The following ERGIC1 variants were observed in gnomAD, a reference collection of about 807,000 sequenced individuals.
ERGIC1 encodes the protein endoplasmic reticulum-golgi intermediate compartment 1, also known as endoplasmic reticulum-Golgi intermediate compartment protein 1.
A neutral mutation model predicts 38.3 loss-of-function variants in ERGIC1; 19 were observed. The observed-to-expected ratio is 0.50, with a 90% CI of 0.35 to 0.73. ERGIC1 has a LOEUF of 0.73. ERGIC1 is among the 30% of genes least tolerant of loss of function. The pLI is 0.01. For missense variants in ERGIC1, 294 were observed against 389.2 expected, an observed-to-expected ratio of 0.76 and a Z score of 2.06; for synonymous variants, 124 against 157.6, an observed-to-expected ratio of 0.79 and a Z score of 1.60.
At position 172,837,106 on chromosome 5, in the gene ERGIC1, G is replaced by A. The variant is rs1201467243; in HGVS notation, c.20+2673G>A. 6.6e-6 allele frequency among the ~76,000 whole-genome samples: 1 copy of A among 152,260 alleles called. No homozygotes were observed. The highest frequency in any genetic ancestry group is 2.4e-5 in the African/African-American group (1 of 41,540). ...GATTAGACCTCCTCCCCCAGTTCAA[G>A]GCCAGGGAGAAAACCAGCCGTCCTG... On this transcript the variant is annotated intron_variant, in intron 1 of 9. Transcript: ENST00000393784. The surrounding 1 kb of genome is among the most constrained non-coding windows in gnomAD (Gnocchi z 4.3).
chr5:172,941,262 A>T (rs1764006845), intron 9 of ERGIC1, among the ~76,000 whole-genome samples: 1 of 152,182 alleles, frequency 6.6e-6, no homozygotes, highest in African/African-American at 2.4e-5. Flanking sequence ...AGAAAAAAAA[A>T]AAGGTGATCA....
chr5:172,938,475 G>A (rs753126034), intron 9 of ERGIC1, among the ~76,000 whole-genome samples: 9 of 152,204 alleles, frequency 5.9e-5, no homozygotes, highest in African/African-American at 1.2e-4. Flanking sequence ...GGCAATGGCC[G>A]GGCACGGTGG....
rs776742949 is a variant in ERGIC1, at chr5:172,845,620, A to G, written c.20+11187A>G. Among the ~76,000 whole-genome samples the G allele has an allele frequency of 2.0e-5, 3 of 152,328 alleles. No homozygotes were observed. In the South Asian group the frequency reaches 6.2e-4, roughly 32 times the overall value. ...CTCATGATTTAAAATTCATGTTTTAATTCTGGTATTTTGCTTCTCTCTCTC... is the reference window on the plus strand; with the variant it reads ...CTCATGATTTAAAATTCATGTTTTAGTTCTGGTATTTTGCTTCTCTCTCTC... On this transcript the variant is annotated intron_variant, in intron 1 of 9. Coordinates refer to ENST00000393784, the MANE Select transcript of ERGIC1 (RefSeq NM_001031711.3).
At chr5:172,904,095 T>C (rs1005266593) in intron 3 of ERGIC1, among the ~76,000 whole-genome samples, 4 of 152,212 alleles carry the variant, frequency 2.6e-5, no homozygotes, top group African/African-American at 9.6e-5. Flanking sequence ...ACGGAATCTT[T>C]ATCCTTATTT....
intron 3 of ERGIC1, among the ~76,000 whole-genome samples, chr5:172,905,703 G>C (rs1006413055): frequency 1.3e-5 from 2 of 151,718 alleles, no homozygotes; most frequent in African/African-American, 2.4e-5. Flanking sequence ...TGACGACTGC[G>C]ATCAGCACCA....
intron 5 of ERGIC1, among the ~76,000 whole-genome samples, chr5:172,921,347 C>T (rs937885667): frequency 2.0e-5 from 3 of 152,242 alleles, no homozygotes; most frequent in Admixed American, 6.5e-5. Flanking sequence ...TGTTTCTGCT[C>T]CACTCCTGAC....
At chr5:172,863,444 G>A (rs1002757095) in intron 1 of ERGIC1, among the ~76,000 whole-genome samples, 3 of 152,116 alleles carry the variant, frequency 2.0e-5, no homozygotes, top group Non-Finnish European at 2.9e-5. Flanking sequence ...ACACCACTGC[G>A]CAGCCTCCCA....
intron 9 of ERGIC1, chr5:172,936,737 C>T (rs1287815565): frequency 1.3e-5 from 2 of 152,396 alleles, no homozygotes; most frequent in African/African-American, 4.8e-5. Flanking sequence ...GTGGCTCACA[C>T]TTGTAGTCCC....
At chr5:172,931,962 G>A (rs563131795) in intron 7 of ERGIC1, among the ~76,000 whole-genome samples, 7 of 149,780 alleles carry the variant, frequency 4.7e-5, no homozygotes, top group East Asian at 2.0e-4. Context: ...AGGTTCAAGC[G>A]ATTCTCCTGC....
chr5:172,859,469 G>T (rs1461408453), intron 1 of ERGIC1, among the ~76,000 whole-genome samples: 2 of 149,578 alleles, frequency 1.3e-5, no homozygotes, highest in African/African-American at 4.8e-5. Context: ...ATTTCTGTTT[G>T]CTTCCAGACT....
chr5:172,862,216 G>A (rs1264050773), intron 1 of ERGIC1, among the ~76,000 whole-genome samples: 1 of 131,256 alleles, frequency 7.6e-6, no homozygotes, highest in Non-Finnish European at 1.5e-5. Flanking sequence ...GTGACCTCCT[G>A]ACCTCAAATG....
intron 7 of ERGIC1, among the ~76,000 whole-genome samples, chr5:172,930,435 C>T (rs1248700162): frequency 4.0e-5 from 6 of 151,728 alleles, no homozygotes; most frequent in African/African-American, 1.2e-4. Flanking sequence ...CTCCACCTCC[C>T]GGGTTCAAGC....
chr5:172,898,975 G>A (rs1762802465), intron 3 of ERGIC1, among the ~76,000 whole-genome samples: 1 of 152,154 alleles, frequency 6.6e-6, no homozygotes, highest in South Asian at 2.1e-4. Context: ...GGTACCTGTT[G>A]TATGCCAGGC....
At chr5:172,946,404 G>A (rs1441620928) in intron 9 of ERGIC1, among the ~76,000 whole-genome samples, 1 of 152,190 alleles carries the variant, frequency 6.6e-6, no homozygotes, top group African/African-American at 2.4e-5. Flanking sequence ...GTGAGTTCCT[G>A]AGATCCCGCC....
intron 1 of ERGIC1, among the ~76,000 whole-genome samples, chr5:172,865,411 G>A (rs1362205539): frequency 6.6e-6 from 1 of 152,104 alleles, no homozygotes; most frequent in East Asian, 1.9e-4. Context: ...CAGTGCAAAG[G>A]GTTCCCAAAT....
At chr5:172,938,618 G>T (rs1241470702) in intron 9 of ERGIC1, among the ~76,000 whole-genome samples, 1 of 152,058 alleles carries the variant, frequency 6.6e-6, no homozygotes, top group African/African-American at 2.4e-5. Context: ...TGAGCATGGG[G>T]GTGGGCACTT....
At position 172,869,085 on chromosome 5, in the gene ERGIC1, C is replaced by T. The variant is rs558212316; in HGVS notation, c.21-19614C>T. Among the ~76,000 whole-genome samples, 12 of 152,246 alleles carry T rather than the reference C, an allele frequency of 7.9e-5. No homozygotes were observed. The East Asian group carries it at 1.4e-3, about 17-fold the overall frequency. ...AAATCCAGTTCAGGAGTGCACCTTGCGTGGGGAGCTGGAGGGAGGCAATGG... is the reference window on the plus strand; with the variant it reads ...AAATCCAGTTCAGGAGTGCACCTTGTGTGGGGAGCTGGAGGGAGGCAATGG... On this transcript the variant is annotated intron_variant, in intron 1 of 9. Coordinates refer to ENST00000393784, the MANE Select transcript of ERGIC1 (RefSeq NM_001031711.3).
chr5:172,882,826 G>A (rs1762317644), intron 1 of ERGIC1, among the ~76,000 whole-genome samples: 1 of 152,144 alleles, frequency 6.6e-6, no homozygotes, highest in Non-Finnish European at 1.5e-5. Flanking sequence ...ACACCCAGGA[G>A]TCAGGGTTAA....
chr5:172,875,055 A>G lies in ERGIC1; in HGVS notation c.21-13644A>G, dbSNP rs184897352. On this transcript the variant is annotated intron_variant, in intron 1 of 9. Transcript: ENST00000393784. ...TGCAAAGGCAGAACCTTCCAGGTAG[A>G]ACGGTAATTCATTCAAGTTCTCCAG... Among the ~76,000 whole-genome samples, 1,122 of 152,314 alleles carry G rather than the reference A, an allele frequency of 7.4e-3. 5 individuals are homozygous for G. The highest frequency in any genetic ancestry group is 0.017 in the Middle Eastern group (5 of 294).
Sources: allele counts gnomAD v4.1 joint callset (sites outside exome capture counted in the v4.1 genomes callset), GRCh38; gene constraint gnomAD v4.1.1; non-coding constraint Gnocchi (gnomAD v3.1); transcripts MANE v1.5; gene names NCBI Gene and HGNC (gene_info 2026-07-23, HGNC 2026-07-21).